PPCS: variants seen among roughly 807,000 people sequenced by gnomAD.
The protein encoded by PPCS is phosphopantothenoylcysteine synthetase, also known as phosphopantothenate--cysteine ligase.
A neutral mutation model predicts 24.6 loss-of-function variants in PPCS; 17 were observed. The observed-to-expected ratio is 0.69, with a 90% CI of 0.47 to 1.04. PPCS has a LOEUF of 1.04. Ranked by LOEUF, PPCS falls within the 50% of genes least tolerant of loss-of-function variation. The pLI is 0.00. For missense variants in PPCS, 360 were observed against 402.8 expected (o/e 0.89, Z 0.91); for synonymous variants, 190 against 168.3 (o/e 1.13, Z -1.00).
chr1:42,458,555 A>G lies in PPCS; in HGVS notation c.613-1048A>G, dbSNP rs138694298. On this transcript the variant is annotated intron_variant, in intron 2 of 2. Coordinates refer to ENST00000372561, the MANE Select transcript of PPCS (RefSeq NM_024664.4). ...GCTTCCTCTGCAGAGGAGACAATAA[A>G]TAAGTCAAATACATAACTCGTTTAG... Among the ~76,000 whole-genome samples, 305 of 152,364 alleles carry G rather than the reference A, an allele frequency of 2.0e-3. 1 individual carries two copies. Among genetic ancestry groups the G allele is most frequent in the African/African-American group, 6.9e-3 (289 of 41,590 alleles).
At chr1:42,471,041 A>C (rs1405066872) in intron 2 of PPCS, among the ~76,000 whole-genome samples, 1 of 152,214 alleles carries the variant, frequency 6.6e-6, no homozygotes. Flanking sequence ...TTAGGATGGC[A>C]GGGTTTCAAC....
intron 2 of PPCS, chr1:42,473,031 G>A (rs1161934682): frequency 1.7e-6 from 2 of 1,159,778 alleles, no homozygotes; most frequent in South Asian, 4.5e-5. Flanking sequence ...ACTCTAATAA[G>A]GAGACTAAGG....
chr1:42,459,937 C>T lies in PPCS; in HGVS notation c.*11C>T, dbSNP rs756781299. The T allele has an allele frequency of 1.3e-5, 20 of 1,575,984 alleles. No individual in the cohort carries two copies. The highest frequency in any genetic ancestry group is 1.7e-5 in the Non-Finnish European group (20 of 1,164,008). ...GGTGACAGAAACTGAAGTAAAAAGC[C>T]CTTATAGGATCAAAAATTGTTCAGG... is the stretch of plus-strand genomic sequence containing the variant. On this transcript the variant is annotated 3_prime_UTR_variant, in exon 3 of 3. Transcript: ENST00000372561.
intron 2 of PPCS, among the ~76,000 whole-genome samples, chr1:42,469,227 T>A (rs1324815855): frequency 6.6e-6 from 1 of 151,994 alleles, no homozygotes; most frequent in Non-Finnish European, 1.5e-5. Flanking sequence ...AAAATAATTT[T>A]AAAAATAAGA....
In PPCS at chr1:42,456,986, G is replaced by A; in HGVS notation, c.421G>A (p.Ala141Thr). ...ALRSYQEAAAAGTFLAVEFTT... is the reference protein window; with the variant it reads ...ALRSYQEAAATGTFLAVEFTT... The stretch of plus-strand genomic sequence containing the variant: ...GAGGAGCTACCAGGAGGCTGCGGCT[G>A]CAGGCACCTTCCTGGCAGTAGAGTT... The change falls in exon 1 of 3, where the codon GCA becomes ACA. Residue 141 changes from alanine to threonine, a missense_variant. Around this residue, in one of 2 missense-constraint regions of PPCS, gnomAD observed 244 missense variants for 234.7 expected, o/e 1.04. Coordinates refer to ENST00000372561, the MANE Select transcript of PPCS (RefSeq NM_024664.4). 2 of 1,602,822 alleles carry A rather than the reference G, an allele frequency of 1.2e-6. No homozygotes were observed. The highest frequency in any genetic ancestry group is 2.2e-5 in the East Asian group (1 of 44,876).
intron 2 of PPCS, 32 bp from the exon 3 acceptor site, chr1:42,459,569 GTT>G: frequency 1.3e-6 from 2 of 1,571,502 alleles, no homozygotes; most frequent in Non-Finnish European, 1.7e-6. Context: ...AATGACCATT[GTT>G]TGCTTATTAA....
intron 2 of PPCS, among the ~76,000 whole-genome samples, chr1:42,458,729 A>G (rs1456880449): frequency 6.6e-6 from 1 of 152,210 alleles, no homozygotes; most frequent in Non-Finnish European, 1.5e-5. Context: ...TTTATCCCAC[A>G]GTTTTTAGTT....
At chr1:42,463,873 G>T (rs1643483999), downstream of PPCS, 1 of 152,152 alleles carries the variant, frequency 6.6e-6, no homozygotes, top group South Asian at 2.1e-4. Context: ...GAGGCCTTTT[G>T]TATCCTCAAC....
Position 42,461,137 on chromosome 1 carries a change from A to G in PPCS, c.*1211A>G, listed in dbSNP as rs1643399898. 6.6e-6 allele frequency among the ~76,000 whole-genome samples: 1 copy of G among 152,232 alleles called. No individual in the cohort carries two copies. On this transcript the variant is annotated 3_prime_UTR_variant, in exon 3 of 3. Coordinates refer to ENST00000372561, the MANE Select transcript of PPCS (RefSeq NM_024664.4). ...GTGTTTCACATAAATATTTGACTTA[A>G]AATACAATTCATGGTGTTTCATGGA...
chr1:42,456,838 C>G lies in PPCS; in HGVS notation c.273C>G (p.Pro91=). ...LFLYRARSAF[P]YAHRFPPQTW... is the part of the protein sequence containing the mutation. Reference sequence around the variant, plus strand: ...TGTATCGCGCTCGCTCTGCCTTCCCCTATGCCCACCGCTTCCCACCCCAGA... The same window carrying G: ...TGTATCGCGCTCGCTCTGCCTTCCCGTATGCCCACCGCTTCCCACCCCAGA... The change falls in exon 1 of 3, where the codon CCC becomes CCG. Residue 91 remains proline, a synonymous_variant. Coordinates refer to ENST00000372561, the MANE Select transcript of PPCS (RefSeq NM_024664.4). 2 of 1,613,540 alleles carry G rather than the reference C, an allele frequency of 1.2e-6. No homozygotes were observed. The highest frequency in any genetic ancestry group is 1.3e-5 in the African/African-American group (1 of 75,078).
chr1:42,460,176 C>A lies in PPCS; in HGVS notation c.*250C>A. 1.7e-6 allele frequency: 2 copies of A among 1,189,608 alleles called. No homozygotes were observed. Among genetic ancestry groups the A allele is most frequent in the Non-Finnish European group, 2.1e-6 (2 of 958,974 alleles). The allele number at this position is 1,189,608 out of a possible 1,614,324, so 73.7% of individuals were successfully genotyped here. ...AGAGCTTATTGGGAATTATATATTC[C>A]TTAAAATATACATGGGGGCCTGAAT... On this transcript the variant is annotated 3_prime_UTR_variant, in exon 3 of 3. Coordinates refer to ENST00000372561, the MANE Select transcript of PPCS (RefSeq NM_024664.4).
At chr1:42,456,450 A>G (rs1388871603), upstream of PPCS, 4 of 1,129,244 alleles carry the variant, frequency 3.5e-6, no homozygotes, top group Non-Finnish European at 4.8e-6. Context: ...CCTAGTGTCA[A>G]AAGAAGGGTA....
chr1:42,456,669 G>A lies in PPCS; in HGVS notation c.104G>A (p.Arg35Gln), dbSNP rs1643199426. ...GCGGCCAGGCTGGGCGCGCAGGGCC[G>A]GCGGGTGGTGTTGGTTACGTCAGGC... The part of the protein sequence containing the change: ...RFAARLGAQG[R>Q]RVVLVTSGGT... The change falls in exon 1 of 3, where the codon CGG (arginine) becomes CAG (glutamine). Residue 35 changes from arginine to glutamine, a missense_variant. This residue lies in a region of PPCS where 244 missense variants were observed against 234.7 expected (regional missense o/e 1.04). Coordinates refer to ENST00000372561, the MANE Select transcript of PPCS (RefSeq NM_024664.4). 3 of 1,602,248 alleles carry A rather than the reference G, an allele frequency of 1.9e-6. No individual in the cohort carries two copies. The highest frequency in any genetic ancestry group is 2.7e-5 in the African/African-American group (2 of 74,836).
chr1:42,460,271 T>C lies in PPCS; in HGVS notation c.*345T>C, dbSNP rs1569627972. 9.8e-7 allele frequency: 1 copy of C among 1,018,292 alleles called. No individual in the cohort carries two copies. The highest frequency in any genetic ancestry group is 9.0e-5 in the East Asian group (1 of 11,140). The allele number at this position is 1,018,292 out of a possible 1,614,324, so 63.1% of individuals were successfully genotyped here. On this transcript the variant is annotated 3_prime_UTR_variant, in exon 3 of 3. Coordinates refer to ENST00000372561, the MANE Select transcript of PPCS (RefSeq NM_024664.4). ...ATGGTCATGCTTTGGAGATCAAATA[T>C]TGGTTGAATGCCTATGTATGTCAGG...
chr1:42,470,722 G>C (rs920131347), intron 2 of PPCS, among the ~76,000 whole-genome samples: 1 of 152,212 alleles, frequency 6.6e-6, no homozygotes, highest in Non-Finnish European at 1.5e-5. Context: ...AATATTGTAT[G>C]ATTCCATTTC....
chr1:42,465,506 A>C (rs939535116), downstream of PPCS, among the ~76,000 whole-genome samples: 1 of 152,132 alleles, frequency 6.6e-6, no homozygotes, highest in Non-Finnish European at 1.5e-5. Context: ...CTGGGATTAT[A>C]GGCATGTGCC....
intron 2 of PPCS, among the ~76,000 whole-genome samples, chr1:42,466,535 TTTGTTG>T (rs943696066): frequency 6.7e-6 from 1 of 149,394 alleles, no homozygotes; most frequent in Non-Finnish European, 1.5e-5. Context: ...GAATAGTTTT[TTTGTTG>T]TTGTTGTTTT....
intron 2 of PPCS, among the ~76,000 whole-genome samples, chr1:42,457,881 G>A (rs1191454475): frequency 6.6e-6 from 1 of 151,928 alleles, no homozygotes; most frequent in East Asian, 1.9e-4. Context: ...CTTGAAACCA[G>A]GAGGCGGAGG....
chr1:42,462,698 A>G (rs571342128), downstream of PPCS, among the ~76,000 whole-genome samples: 13 of 152,282 alleles, frequency 8.5e-5, no homozygotes, highest in South Asian at 2.7e-3. Flanking sequence ...TGTGTCATTT[A>G]TAAGTTTTTA....
Sources: allele counts gnomAD v4.1 joint callset (sites outside exome capture counted in the v4.1 genomes callset), GRCh38; gene constraint gnomAD v4.1.1; regional missense constraint gnomAD v4.1.1; transcripts MANE v1.5; gene names NCBI Gene and HGNC (gene_info 2026-07-23, HGNC 2026-07-21).